Variants in TPST1 observed in about 807,000 individuals in gnomAD.
TPST1 encodes the protein protein-tyrosine sulfotransferase 1.
TPST1 carries 20 observed loss-of-function variants against 34.8 expected under a neutral mutation model. That is an observed-to-expected ratio of 0.57 (90% CI 0.40 to 0.84). The LOEUF (loss-of-function observed/expected upper bound fraction) is 0.84. Among genes scored for constraint, TPST1 ranks in the 40% least tolerant of loss-of-function variants. The probability of loss-of-function intolerance (pLI) is 0.00; values close to 1 mark genes in which losing one functional copy is unlikely to be tolerated. For missense variants in TPST1, 353 were observed against 455.5 expected, an observed-to-expected ratio of 0.78 and a Z score of 2.05; for synonymous variants, 152 against 159.4, an observed-to-expected ratio of 0.95 and a Z score of 0.35.
At chr7:66,319,650 C>G (rs1034464962) in intron 3 of TPST1, among the ~76,000 whole-genome samples, 3 of 152,178 alleles carry the variant, frequency 2.0e-5, no homozygotes, top group African/African-American at 7.2e-5. Context: ...GAATAAGTGC[C>G]AGTGGACTTC....
rs1252039708 is a variant in TPST1 at position 66,312,596 on chromosome 7, C to T, written c.1044+25887C>T. ...TAAAATATCGTTAATTTAAAAAATC[C>T]CTTTAAAATGAAGATATGAAAAGCT... On this transcript the variant is annotated intron_variant, in intron 3 of 5. Coordinates refer to ENST00000304842, the MANE Select transcript of TPST1 (RefSeq NM_003596.4). 2.0e-5 allele frequency among the ~76,000 whole-genome samples: 3 copies of T among 151,954 alleles called. 1 individual carries two copies. In the South Asian group the frequency reaches 6.2e-4, roughly 32 times the overall value.
In TPST1 at chr7:66,231,323, A is replaced by G. The variant is rs1308831889; in HGVS notation, c.-101-9002A>G. ...CCAGTGGATCCCGCACCGGGGCTGC[A>G]TGTGGAGCTGCCTGCCAGTCCCATG... On this transcript the variant is annotated intron_variant, in intron 1 of 5. Coordinates refer to ENST00000304842, the MANE Select transcript of TPST1 (RefSeq NM_003596.4). Among the ~76,000 whole-genome samples the G allele has an allele frequency of 7.9e-5, 12 of 152,350 alleles. No individual in the cohort carries two copies. In the East Asian group the frequency reaches 2.3e-3, roughly 29 times the overall value.
chr7:66,247,744 A>G (rs1280311626), intron 2 of TPST1, among the ~76,000 whole-genome samples: 1 of 152,218 alleles, frequency 6.6e-6, no homozygotes, highest in Non-Finnish European at 1.5e-5. Context: ...TGAGCCACCC[A>G]AGAAATGTTA....
intron 3 of TPST1, among the ~76,000 whole-genome samples, chr7:66,333,684 T>C (rs1792039618): frequency 6.6e-6 from 1 of 152,212 alleles, no homozygotes; most frequent in African/African-American, 2.4e-5. Context: ...TGTTTTCTAA[T>C]AGTAGTTTAT....
chr7:66,207,176 G>A lies in TPST1; in HGVS notation c.-102+1654G>A, dbSNP rs189324188. On this transcript the variant is annotated intron_variant, in intron 1 of 5. Coordinates refer to ENST00000304842, the MANE Select transcript of TPST1 (RefSeq NM_003596.4). ...TGCTGGGTGCTGTTTCTGCACTTCT[G>A]GATCCTGGAGATCCTTTGACTTAAC... 5.5e-4 allele frequency among the ~76,000 whole-genome samples: 83 copies of A among 152,198 alleles called. 1 individual carries two copies. The highest frequency in any genetic ancestry group is 3.4e-3 in the Middle Eastern group (1 of 294).
At chr7:66,232,577 T>G (rs1452343511) in intron 1 of TPST1, among the ~76,000 whole-genome samples, 2 of 152,154 alleles carry the variant, frequency 1.3e-5, no homozygotes, top group Non-Finnish European at 2.9e-5. Flanking sequence ...CAGGATGGTC[T>G]CGATCTCCTG....
intron 4 of TPST1, 36 bp from the exon 5 acceptor site, chr7:66,356,789 C>A: frequency 6.2e-7 from 1 of 1,614,076 alleles, no homozygotes; most frequent in Non-Finnish European, 8.5e-7. Context: ...TGACCAACTT[C>A]AAGGACATTA....
At chr7:66,308,817 C>A (rs779519024) in intron 3 of TPST1, among the ~76,000 whole-genome samples, 7 of 152,252 alleles carry the variant, frequency 4.6e-5, no homozygotes, top group Non-Finnish European at 1.0e-4. Flanking sequence ...TCTAGACATT[C>A]CTGGGATGTA....
chr7:66,300,563 A>C (rs1032553277), intron 3 of TPST1, among the ~76,000 whole-genome samples: 1 of 152,208 alleles, frequency 6.6e-6, no homozygotes, highest in South Asian at 2.1e-4. Context: ...AACCCTTTCC[A>C]GAAGGTTTGC....
At chr7:66,296,676 GTTT>G (rs55888171) in intron 3 of TPST1, among the ~76,000 whole-genome samples, 1 of 92,140 alleles carries the variant, frequency 1.1e-5, no homozygotes, top group Non-Finnish European at 2.0e-5. Flanking sequence ...TACTGGGTTG[GTTT>G]TTTTTTTTTT....
At chr7:66,331,022 C>G (rs1791985989) in intron 3 of TPST1, among the ~76,000 whole-genome samples, 1 of 152,212 alleles carries the variant, frequency 6.6e-6, no homozygotes. Flanking sequence ...GTCAGCTGGG[C>G]TGCAGTCATC....
intron 1 of TPST1, among the ~76,000 whole-genome samples, chr7:66,232,697 GGTCTCATACTGTGTTGCCCATGCTT>G (rs1374893389): frequency 6.6e-6 from 1 of 152,114 alleles, no homozygotes; most frequent in East Asian, 1.9e-4. Context: ...GTAGAGATGA[GGTCTCATACTGTGTTGCCCATGCTT>G]GTCTCACACT....
intron 3 of TPST1, among the ~76,000 whole-genome samples, chr7:66,306,971 TC>T (rs1436984412): frequency 6.6e-6 from 1 of 152,050 alleles, no homozygotes. Context: ...CACTTCAGCC[TC>T]CCCACAGTGC....
chr7:66,246,002 G>A (rs1790139259), intron 2 of TPST1, among the ~76,000 whole-genome samples: 1 of 151,622 alleles, frequency 6.6e-6, no homozygotes, highest in African/African-American at 2.4e-5. Context: ...GGCTATTGGG[G>A]TTGTGTCTTT....
intron 1 of TPST1, among the ~76,000 whole-genome samples, chr7:66,220,171 C>T (rs915956961): frequency 6.6e-6 from 1 of 152,016 alleles, no homozygotes; most frequent in Non-Finnish European, 1.5e-5. Flanking sequence ...GCTGTCTGGG[C>T]TTTTATTGAG....
intron 1 of TPST1, among the ~76,000 whole-genome samples, chr7:66,212,920 T>C (rs1459471347): frequency 1.3e-5 from 2 of 152,192 alleles, no homozygotes; most frequent in Non-Finnish European, 2.9e-5. Context: ...TTTTTTCAGA[T>C]AAGAAACCCT....
chr7:66,304,899 C>T (rs1791391392), intron 3 of TPST1, among the ~76,000 whole-genome samples: 1 of 151,796 alleles, frequency 6.6e-6, no homozygotes, highest in Non-Finnish European at 1.5e-5. Flanking sequence ...CTCACTGCAT[C>T]CAGAATCTCC....
rs188350001 is a variant in TPST1 at position 66,240,707 on chromosome 7, C to T, written c.282C>T (p.Asp94=). Residue 94 remains aspartate, a synonymous_variant, in exon 2 of 6, where the codon GAC becomes GAT. Coordinates refer to ENST00000304842, the MANE Select transcript of TPST1 (RefSeq NM_003596.4). ...LMRAMLDAHP[D]IRCGEETRVI... Reference sequence around the variant, plus strand: ...GGGCCATGCTGGACGCACATCCTGACATTCGCTGTGGAGAGGAAACCAGGG... The same window carrying T: ...GGGCCATGCTGGACGCACATCCTGATATTCGCTGTGGAGAGGAAACCAGGG... 1.1e-4 allele frequency: 172 copies of T among 1,614,198 alleles called. No individual in the cohort carries two copies. Among genetic ancestry groups the T allele is most frequent in the Admixed American group, 2.0e-4 (12 of 60,016 alleles).
intron 1 of TPST1, among the ~76,000 whole-genome samples, chr7:66,227,797 C>T (rs1403318785): frequency 1.3e-5 from 2 of 151,444 alleles, no homozygotes; most frequent in Non-Finnish European, 2.9e-5. Context: ...TTATTAAATC[C>T]TTTATAATCA....
Sources: allele counts gnomAD v4.1 joint callset (sites outside exome capture counted in the v4.1 genomes callset), GRCh38; gene constraint gnomAD v4.1.1; transcripts MANE v1.5; gene names NCBI Gene and HGNC (gene_info 2026-07-23, HGNC 2026-07-21).